The following PDGFRA variants were observed in gnomAD, a reference collection of about 807,000 sequenced individuals.
PDGFRA encodes the protein platelet derived growth factor receptor alpha.
A neutral mutation model predicts 121.5 loss-of-function variants in PDGFRA; 25 were observed. The observed-to-expected ratio is 0.21, with a 90% confidence interval of 0.15 to 0.29. The LOEUF is 0.29. PDGFRA is among the 10% of genes least tolerant of loss of function. The probability of loss-of-function intolerance (pLI) is 1.00; values close to 1 mark genes in which losing one functional copy is unlikely to be tolerated. For missense variants in PDGFRA, 1,008 were observed against 1,345.1 expected (o/e 0.75, Z 3.92); for synonymous variants, 463 against 494.8 (o/e 0.94, Z 0.85).
intron 1 of PDGFRA, among the ~76,000 whole-genome samples, chr4:54,244,933 G>A (rs985911017): frequency 3.3e-5 from 5 of 152,320 alleles, no homozygotes; most frequent in African/African-American, 1.2e-4. Flanking sequence ...AGAAGCCTTA[G>A]GAGCTGATGC....
chr4:54,260,565 A>G (rs766859665), intron 2 of PDGFRA, among the ~76,000 whole-genome samples: 14 of 151,566 alleles, frequency 9.2e-5, no homozygotes, highest in Non-Finnish European at 7.4e-5. Context: ...ACACCTGGCT[A>G]ATTTTTTTAT....
chr4:54,277,245 C>T (rs113678649), intron 12 of PDGFRA, 143 bp from the exon 13 acceptor site: 20 of 707,724 alleles, frequency 2.8e-5, no homozygotes, highest in East Asian at 2.6e-4. Context: ...TTTTTTGACA[C>T]GATGACTTGG....
chr4:54,277,180 A>C (rs985743641), intron 12 of PDGFRA: 5 of 609,522 alleles, frequency 8.2e-6, no homozygotes, highest in Non-Finnish European at 1.5e-5. Context: ...TTCCCTTGCA[A>C]GTGTTATTCG....
rs139985105 is a variant in PDGFRA, at chr4:54,240,860, G to A, written c.-13+11445G>A. 7.9e-3 allele frequency among the ~76,000 whole-genome samples: 1,208 copies of A among 152,306 alleles called. 6 individuals are homozygous for A. Among genetic ancestry groups the A allele is most frequent in the Admixed American group, 0.016 (247 of 15,294 alleles). ...CCAGCTATCTTTTATAAAATAGTGC[G>A]TTTGCGTTCCTACATTATGGCTAGA... On this transcript the variant is annotated intron_variant, in intron 1 of 22. Coordinates refer to ENST00000257290, the MANE Select transcript of PDGFRA (RefSeq NM_006206.6).
At chr4:54,256,162 T>A (rs1722353330) in intron 1 of PDGFRA, among the ~76,000 whole-genome samples, 1 of 152,126 alleles carries the variant, frequency 6.6e-6, no homozygotes, top group Non-Finnish European at 1.5e-5. Context: ...GCAGGAGGAT[T>A]GCTTAATCCT....
At chr4:54,272,159 C>T (rs1021094686) in intron 8 of PDGFRA, among the ~76,000 whole-genome samples, 2 of 151,556 alleles carry the variant, frequency 1.3e-5, no homozygotes, top group African/African-American at 4.9e-5. Context: ...TTTTCACTTT[C>T]TTCACTCCAG....
intron 1 of PDGFRA, among the ~76,000 whole-genome samples, chr4:54,233,040 C>A (rs966131613): frequency 2.6e-5 from 4 of 152,080 alleles, no homozygotes; most frequent in Non-Finnish European, 5.9e-5. Flanking sequence ...CCCACCCGCC[C>A]GGATTCTCTT....
chr4:54,241,636 G>A (rs1376476577), intron 1 of PDGFRA, among the ~76,000 whole-genome samples: 2 of 151,902 alleles, frequency 1.3e-5, no homozygotes, highest in African/African-American at 2.4e-5. Context: ...TGCAGCCTCC[G>A]CATCCTGGGT....
At chr4:54,234,834 G>A (rs937403836) in intron 1 of PDGFRA, among the ~76,000 whole-genome samples, 3 of 152,128 alleles carry the variant, frequency 2.0e-5, no homozygotes, top group Non-Finnish European at 4.4e-5. Flanking sequence ...CACCCGTTTG[G>A]TGATATTCAA....
chr4:54,264,803 CT>C, intron 4 of PDGFRA, 115 bp from the exon 5 acceptor site: 1 of 961,342 alleles, frequency 1.0e-6, no homozygotes, highest in Non-Finnish European at 1.6e-6. Flanking sequence ...CTTGATCAAA[CT>C]GGTTTGCAAA....
intron 1 of PDGFRA, among the ~76,000 whole-genome samples, chr4:54,242,096 TTCAGG>T (rs1374817888): frequency 6.6e-6 from 1 of 152,198 alleles, no homozygotes; most frequent in African/African-American, 2.4e-5. Context: ...CAGTGGTTGT[TTCAGG>T]CTGTGGCTCA....
At chr4:54,255,327 T>A (rs1722301128) in intron 1 of PDGFRA, among the ~76,000 whole-genome samples, 1 of 152,176 alleles carries the variant, frequency 6.6e-6, no homozygotes, top group Non-Finnish European at 1.5e-5. Flanking sequence ...CTCTCCCATT[T>A]TCCTGGTGGC....
intron 18 of PDGFRA, 92 bp from the exon 19 acceptor site, chr4:54,287,338 T>G (rs950480583): frequency 5.2e-6 from 4 of 772,350 alleles, no homozygotes; most frequent in Non-Finnish European, 9.6e-6. Context: ...GCACAAGTTA[T>G]TAAGAGCCCA....
At chr4:54,271,310 CAT>C (rs1428320091) in intron 8 of PDGFRA, among the ~76,000 whole-genome samples, 2 of 152,194 alleles carry the variant, frequency 1.3e-5, no homozygotes, top group African/African-American at 2.4e-5. Context: ...GAGGTGCGCT[CAT>C]GTGATCCTCA....
In PDGFRA at chr4:54,297,320, A is replaced by C. The variant is rs1724924837; in HGVS notation, c.*2048A>C. The stretch of plus-strand genomic sequence containing the variant: ...AGAAGCAATAATAAAGTACTTGACT[A>C]CCTACTGGTGTAATCTCAATGCAAG... On this transcript the variant is annotated 3_prime_UTR_variant, in exon 23 of 23. Coordinates refer to ENST00000257290, the MANE Select transcript of PDGFRA (RefSeq NM_006206.6). 3 of 233,608 alleles carry C rather than the reference A, an allele frequency of 1.3e-5. No individual in the cohort carries two copies. In the South Asian group the frequency reaches 5.4e-4, roughly 42 times the overall value. The allele number at this position is 233,608 out of a possible 1,614,324, so 14.5% of individuals were successfully genotyped here. A position where few individuals can be genotyped will look rare whatever the true frequency, so the allele number is the denominator to read the frequency against.
intron 22 of PDGFRA, 46 bp from the exon 23 acceptor site, chr4:54,295,079 G>A (rs772889907): frequency 5.8e-6 from 9 of 1,565,206 alleles, no homozygotes; most frequent in Middle Eastern, 1.7e-4. Context: ...TCTAGGTCTA[G>A]TTCTGTGCAG....
At chr4:54,249,237 G>C (rs1183561186) in intron 1 of PDGFRA, among the ~76,000 whole-genome samples, 1 of 152,072 alleles carries the variant, frequency 6.6e-6, no homozygotes, top group Non-Finnish European at 1.5e-5. Flanking sequence ...GATTCCTCAG[G>C]GATCTAGAAC....
chr4:54,243,237 C>G (rs945296469), intron 1 of PDGFRA, among the ~76,000 whole-genome samples: 2 of 152,112 alleles, frequency 1.3e-5, no homozygotes, highest in African/African-American at 4.8e-5. Flanking sequence ...GCCTGATGTC[C>G]TAGGCTCAAC....
intron 13 of PDGFRA, 86 bp from the exon 14 acceptor site, chr4:54,277,810 C>G (rs764500079): frequency 1.2e-6 from 1 of 856,130 alleles, no homozygotes; most frequent in African/African-American, 1.7e-5. Context: ...TATCCAATCA[C>G]AGGATTAGTC....
Sources: gnomAD v4.1 joint callset for allele counts (sites outside exome capture counted in the v4.1 genomes callset) on GRCh38, gnomAD v4.1.1 for gene constraint, MANE v1.5 for transcripts, NCBI Gene and HGNC (gene_info 2026-07-23, HGNC 2026-07-21) for gene names.